RXRA: variants seen among roughly 807,000 people sequenced by gnomAD.
The protein encoded by RXRA is retinoic acid receptor RXR-alpha.
A neutral mutation model predicts 44.5 loss-of-function variants in RXRA; 5 were observed. The ratio of observed to expected loss-of-function variants is 0.11; its 90% CI spans 0.06 to 0.24. The LOEUF (loss-of-function observed/expected upper bound fraction) is 0.24, where lower values mean the gene tolerates loss of function less well. Ranked by LOEUF, RXRA falls within the 10% of genes least tolerant of loss-of-function variation. RXRA has a pLI of 1.00. For missense variants in RXRA, 412 were observed against 646.5 expected, an observed-to-expected ratio of 0.64 and a Z score of 3.93; for synonymous variants, 291 against 271.4, an observed-to-expected ratio of 1.07 and a Z score of -0.71.
intron 6 of RXRA, chr9:134,425,995 G>T: frequency 1.0e-6 from 1 of 985,330 alleles, no homozygotes; most frequent in Non-Finnish European, 1.2e-6. Context: ...ACTCTGTGCT[G>T]TTCCTTCCGG....
At chr9:134,408,908 G>A in intron 3 of RXRA, 32 bp from the exon 4 acceptor site, 2 of 1,439,796 alleles carry the variant, frequency 1.4e-6, no homozygotes, top group Non-Finnish European at 1.8e-6. Flanking sequence ...GGCGGTGGGT[G>A]CTCCCCAGCC....
chr9:134,403,225 C>T (rs930134466), intron 2 of RXRA: 8 of 152,392 alleles, frequency 5.2e-5, no homozygotes, highest in African/African-American at 1.9e-4. Context: ...CTCCTTTTCC[C>T]TGGAGAATCT....
intron 6 of RXRA, chr9:134,425,428 C>A (rs1273585954): frequency 2.0e-6 from 2 of 985,024 alleles, no homozygotes; most frequent in Non-Finnish European, 2.4e-6. Context: ...CTCCGTCCAA[C>A]CTCCTTCCCA....
intron 1 of RXRA, among the ~76,000 whole-genome samples, chr9:134,384,465 A>G (rs1378838066): frequency 2.0e-5 from 3 of 152,208 alleles, no homozygotes; most frequent in Non-Finnish European, 2.9e-5. Context: ...CAAGCTAGGG[A>G]CAGCCCGAAG....
Position 134,342,351 on chromosome 9 carries a change from G to T in RXRA, c.28+15692G>T, listed in dbSNP as rs372101940. Among the ~76,000 whole-genome samples the T allele has an allele frequency of 2.4e-4, 36 of 152,270 alleles. No homozygotes were observed. The East Asian group carries it at 7.0e-3, about 29-fold the overall frequency. On this transcript the variant is annotated intron_variant, in intron 1 of 9. Transcript: ENST00000481739. This position sits in a 1 kb window ranked among gnomAD's most constrained non-coding sequence, Gnocchi z 4.4. ...GGGGAGGGAGTTGCCCTCATTTACAGAGGGGGCCTGGGCTCAGAGAGGCTG... is the reference window on the plus strand; with the variant it reads ...GGGGAGGGAGTTGCCCTCATTTACATAGGGGGCCTGGGCTCAGAGAGGCTG...
chr9:134,357,985 A>G (rs995993706), intron 1 of RXRA, among the ~76,000 whole-genome samples: 4 of 152,092 alleles, frequency 2.6e-5, no homozygotes, highest in Non-Finnish European at 5.9e-5. Context: ...GGGTGCCCCC[A>G]CAGAACACGG....
rs1830398478 is a variant in RXRA at position 134,365,181 on chromosome 9, G to A, written c.29-36451G>A. 6.6e-6 allele frequency among the ~76,000 whole-genome samples: 1 copy of A among 152,242 alleles called. No homozygotes were observed. The highest frequency in any genetic ancestry group is 2.1e-4 in the South Asian group (1 of 4,830). ...GGAGGGCTGATGGCACGCTGGGCCC[G>A]GGAAAGCCCCTCGTGGGCCATCTCC... On this transcript the variant is annotated intron_variant, in intron 1 of 9. Transcript: ENST00000481739. This position sits in a 1 kb window ranked among gnomAD's most constrained non-coding sequence, Gnocchi z 4.0.
At chr9:134,371,803 G>C (rs573306372) in intron 1 of RXRA, among the ~76,000 whole-genome samples, 1 of 152,228 alleles carries the variant, frequency 6.6e-6, no homozygotes, top group African/African-American at 2.4e-5. Context: ...GGGTGCGCGA[G>C]TGCAGGGCCG....
intron 6 of RXRA, chr9:134,425,277 G>A (rs980097170): frequency 2.1e-5 from 21 of 985,228 alleles, no homozygotes; most frequent in African/African-American, 1.7e-4. Context: ...TGCCCTACCC[G>A]TCCAGGAGGC....
In RXRA at chr9:134,366,547, C is replaced by T. The variant is rs1168235832; in HGVS notation, c.29-35085C>T. Among the ~76,000 whole-genome samples the T allele has an allele frequency of 6.6e-6, 1 of 152,146 alleles. No individual in the cohort carries two copies. Among genetic ancestry groups the T allele is most frequent in the Non-Finnish European group, 1.5e-5 (1 of 68,010 alleles). On this transcript the variant is annotated intron_variant, in intron 1 of 9. Transcript: ENST00000481739. This position sits in a 1 kb window ranked among gnomAD's most constrained non-coding sequence, Gnocchi z 5.9. ...ACCCCGTGCCATGGGCCTCCAGGTC[C>T]CCCGGGTGCTGGCCTGGGGACAGCA...
intron 4 of RXRA, among the ~76,000 whole-genome samples, chr9:134,412,117 A>C (rs1415761963): frequency 1.3e-5 from 2 of 152,196 alleles, no homozygotes; most frequent in African/African-American, 4.8e-5. Context: ...GCTCCCCGAC[A>C]GCGGAGGGCA....
At chr9:134,423,782 A>G (rs1481371379) in intron 6 of RXRA, 5 of 985,318 alleles carry the variant, frequency 5.1e-6, no homozygotes, top group African/African-American at 1.7e-5. Flanking sequence ...CCCTCGGTTC[A>G]GAGCCCCTGG....
At chr9:134,418,512 T>C (rs896891382) in intron 5 of RXRA, among the ~76,000 whole-genome samples, 1 of 152,162 alleles carries the variant, frequency 6.6e-6, no homozygotes, top group Non-Finnish European at 1.5e-5. Context: ...CCCTCCGTGC[T>C]GGGTGCGCCC....
chr9:134,393,586 A>T (rs567249637), intron 1 of RXRA, among the ~76,000 whole-genome samples: 1 of 152,282 alleles, frequency 6.6e-6, no homozygotes, highest in Admixed American at 6.5e-5. Flanking sequence ...TATCTGGTTG[A>T]ATGTAGCTGG....
At chr9:134,401,380 C>T (rs1246237483) in intron 1 of RXRA, 1 of 557,642 alleles carries the variant, frequency 1.8e-6, no homozygotes, top group Non-Finnish European at 3.1e-6. Flanking sequence ...GCGGGTTCTT[C>T]CTGCGTCTGC....
At chr9:134,424,118 G>A in intron 6 of RXRA, 2 of 980,908 alleles carry the variant, frequency 2.0e-6, no homozygotes, top group Non-Finnish European at 2.4e-6. Flanking sequence ...GGCCTGCGTG[G>A]GGTGGTCGTG....
chr9:134,326,686 A>T, intron 1 of RXRA, 27 bp downstream of exon 1: 1 of 797,424 alleles, frequency 1.3e-6, no homozygotes, highest in Non-Finnish European at 1.5e-6. Flanking sequence ...CCGGGCGGGG[A>T]CGGGGCCGGG....
intron 1 of RXRA, among the ~76,000 whole-genome samples, chr9:134,381,790 G>C (rs756771998): frequency 1.3e-5 from 2 of 152,130 alleles, no homozygotes; most frequent in Non-Finnish European, 2.9e-5. Flanking sequence ...AATTAGCCCC[G>C]ACCTCCCCGG....
At chr9:134,334,508 C>T (rs536401227) in intron 1 of RXRA, among the ~76,000 whole-genome samples, 6 of 152,364 alleles carry the variant, frequency 3.9e-5, no homozygotes, top group Admixed American at 2.0e-4. Flanking sequence ...CATTGACTGC[C>T]GCAGTGATAG....
Sources: gnomAD v4.1 joint callset for allele counts (sites outside exome capture counted in the v4.1 genomes callset) on GRCh38, gnomAD v4.1.1 for gene constraint, Gnocchi (gnomAD v3.1) non-coding constraint, MANE v1.5 for transcripts, NCBI Gene and HGNC (gene_info 2026-07-23, HGNC 2026-07-21) for gene names.